CDHR2: variants seen among roughly 807,000 people sequenced by gnomAD.
CDHR2 encodes the protein cadherin related family member 2.
Under a neutral mutation model 138.6 loss-of-function variants are expected in CDHR2, and 104 were observed. The observed-to-expected ratio is 0.75, with a 90% confidence interval of 0.64 to 0.88. CDHR2 has a LOEUF of 0.88. Ranked by LOEUF, CDHR2 falls within the 40% of genes least tolerant of loss-of-function variation. CDHR2 has a pLI of 0.00. For missense variants in CDHR2, 1,624 were observed against 1,727.6 expected (o/e 0.94, Z 1.06); for synonymous variants, 755 against 742.8 (o/e 1.02, Z -0.27).
chr5:176,569,578 G>T (rs182044408), intron 5 of CDHR2, among the ~76,000 whole-genome samples: 1 of 152,206 alleles, frequency 6.6e-6, no homozygotes, highest in Non-Finnish European at 1.5e-5. Flanking sequence ...CACCACGCCC[G>T]GCCTAAATGT....
At chr5:176,557,272 C>T (rs954373191) in intron 1 of CDHR2, among the ~76,000 whole-genome samples, 3 of 152,140 alleles carry the variant, frequency 2.0e-5, no homozygotes, top group African/African-American at 7.2e-5. Context: ...GTGGTGTGCT[C>T]ATGGCTCCCT....
chr5:176,547,199 G>A (rs1757602870), upstream of CDHR2, among the ~76,000 whole-genome samples: 1 of 152,032 alleles, frequency 6.6e-6, no homozygotes, highest in African/African-American at 2.4e-5. Flanking sequence ...GGCTGGTCTC[G>A]AATTCTTGAC....
intron 16 of CDHR2, among the ~76,000 whole-genome samples, chr5:176,580,142 G>GCACTCACACACA (rs139670180): frequency 0.28 from 41,662 of 150,058 alleles, 5,802 homozygotes; most frequent in East Asian, 0.34. Flanking sequence ...ACTCACACAC[G>GCACTCACACACA]CACTCACACA....
intron 27 of CDHR2, 28 bp from the exon 28 acceptor site, chr5:176,590,535 T>C (rs1267409714): frequency 6.2e-7 from 1 of 1,613,976 alleles, no homozygotes. Context: ...AAGACGAGTG[T>C]GCTTCCCTCA....
In CDHR2 at chr5:176,581,536, G is replaced by T; in HGVS notation, c.2012G>T (p.Gly671Val). The T allele has an allele frequency of 6.2e-7, 1 of 1,614,086 alleles. No homozygotes were observed. Among genetic ancestry groups the T allele is most frequent in the Non-Finnish European group, 8.5e-7 (1 of 1,180,046 alleles). ...CTGACAGTGCTTGTGTCTGACTGCG[G>T]CGAGCCTGTCCTCGGCACCAAAGTC... ...IVLTVLVSDC[G>V]EPVLGTKVNV... Residue 671 changes from glycine (G) to valine (V), a missense_variant, in exon 17 of 32, where the codon GGC becomes GTC. Gly to Val is a moderately radical substitution (Grantham distance 109). Around this residue, in one of 3 missense-constraint regions of CDHR2, gnomAD observed 1,061 missense variants for 1,136.6 expected, o/e 0.93. Coordinates refer to ENST00000261944, the MANE Select transcript of CDHR2 (RefSeq NM_017675.6).
intron 30 of CDHR2, among the ~76,000 whole-genome samples, chr5:176,592,520 G>T (rs1441074260): frequency 6.6e-6 from 1 of 151,280 alleles, no homozygotes; most frequent in African/African-American, 2.4e-5. Context: ...TGATGATAGT[G>T]GTGGTGGTGG....
rs554807031 is a variant in CDHR2 at position 176,573,326 on chromosome 5, C to T, written c.406-757C>T. 5.7e-4 allele frequency among the ~76,000 whole-genome samples: 86 copies of T among 152,106 alleles called. 1 individual carries two copies. Among genetic ancestry groups the T allele is most frequent in the African/African-American group, 2.0e-3 (81 of 41,492 alleles). ...GGTCTGATTCATGATTTTCAAAGATCTCTGTGGCCACCATTAGGAAGTATA... is the reference window on the plus strand; with the variant it reads ...GGTCTGATTCATGATTTTCAAAGATTTCTGTGGCCACCATTAGGAAGTATA... On this transcript the variant is annotated intron_variant, in intron 6 of 31. Coordinates refer to ENST00000261944, the MANE Select transcript of CDHR2 (RefSeq NM_017675.6).
At chr5:176,586,109 C>T in intron 20 of CDHR2, 84 bp downstream of exon 20, 1 of 1,064,976 alleles carries the variant, frequency 9.4e-7, no homozygotes, top group South Asian at 1.3e-5. Flanking sequence ...CCTTGGACCC[C>T]AGGGGGAGCC....
At chr5:176,569,432 A>T (rs10072947) in intron 5 of CDHR2, among the ~76,000 whole-genome samples, 3 of 151,284 alleles carry the variant, frequency 2.0e-5, no homozygotes, top group African/African-American at 4.9e-5. Context: ...TACAGGCGCC[A>T]GCCACCACGC....
intron 7 of CDHR2, among the ~76,000 whole-genome samples, 158 bp downstream of exon 7, chr5:176,574,330 G>A (rs1401118396): frequency 2.6e-5 from 4 of 152,138 alleles, no homozygotes; most frequent in Admixed American, 6.5e-5. Flanking sequence ...CCCCCTCCCC[G>A]GAAACCTCGC....
At chr5:176,580,765 T>C (rs761040173) in intron 16 of CDHR2, among the ~76,000 whole-genome samples, 2 of 151,906 alleles carry the variant, frequency 1.3e-5, no homozygotes, top group Non-Finnish European at 2.9e-5. Context: ...TAATCCCAGC[T>C]ACTTAGGAGG....
rs1366287262 is a variant in CDHR2, at chr5:176,590,580, G to A, written c.3432G>A (p.Gln1144=). Residue 1144 remains glutamine, a synonymous_variant, in exon 28 of 32, where the codon CAG becomes CAA. Transcript: ENST00000261944. ...GLVVLGSQES[Q]ESDLSKQLIS... Reference sequence around the variant, plus strand: ...TTCTCCAGGGCTCCCAGGAGAGCCAGGAGTCAGACCTGTCGAAACAGCTCA... The same window carrying A: ...TTCTCCAGGGCTCCCAGGAGAGCCAAGAGTCAGACCTGTCGAAACAGCTCA... 1 of 1,614,074 alleles carries A rather than the reference G, an allele frequency of 6.2e-7. No individual in the cohort carries two copies. The highest frequency in any genetic ancestry group is 2.2e-5 in the East Asian group (1 of 44,886).
At position 176,543,893 on chromosome 5, in the gene CDHR2, TTCCCCGCAACCCCTGTG is replaced by T. The variant is rs1757520106; in HGVS notation, c.-16+1130_-16+1146del. ...GGCCGAGACATCGGGAGGGATTACG[TTCCCCGCAACCCCTGTG>T]TCCCCATCGCTAGAGCCAACCTGGA... is the stretch of plus-strand genomic sequence containing the variant. On this transcript the variant is annotated intron_variant, in intron 1 of 31. Coordinates refer to the CDHR2 transcript ENST00000510636. This position sits in a 1 kb window ranked among gnomAD's most constrained non-coding sequence, Gnocchi z 4.0. Among the ~76,000 whole-genome samples, 1 of 152,026 alleles carries T rather than the reference TTCCCCGCAACCCCTGTG, an allele frequency of 6.6e-6. No homozygotes were observed. The highest frequency in any genetic ancestry group is 6.5e-5 in the Admixed American group (1 of 15,282).
intron 1 of CDHR2, among the ~76,000 whole-genome samples, chr5:176,555,524 C>T (rs2113258013): frequency 6.6e-6 from 1 of 152,346 alleles, no homozygotes; most frequent in South Asian, 2.1e-4. Context: ...CCCCTCCAGC[C>T]CTGCTGCCCC....
rs1382851209 is a variant in CDHR2 at position 176,581,207 on chromosome 5, G to C, written c.1819-136G>C. On this transcript the variant is annotated intron_variant, in intron 16 of 31. Coordinates refer to ENST00000261944, the MANE Select transcript of CDHR2 (RefSeq NM_017675.6). ...CCTCTTAGATGGGAAACTGGGGCTG[G>C]GAGATGGGCCCAGGGGCTCCAGGCC... The C allele has an allele frequency of 5.2e-6, 6 of 1,151,422 alleles. No individual in the cohort carries two copies. In the African/African-American group the frequency reaches 9.3e-5, roughly 18 times the overall value. 71.3% of individuals were successfully genotyped at this position (1,151,422 alleles called of 1,614,324 possible).
At position 176,576,722 on chromosome 5, in the gene CDHR2, G is replaced by T. The variant is rs183637903; in HGVS notation, c.1194+537G>T. On this transcript the variant is annotated intron_variant, in intron 12 of 31. Transcript: ENST00000261944. This position sits in a 1 kb window ranked among gnomAD's most constrained non-coding sequence, Gnocchi z 4.5. ...CTCCCAAGTAGCTGTGATTACAGGT[G>T]TGCACCACCTCGCCCAGCTAATTTT... Among the ~76,000 whole-genome samples, 741 of 152,180 alleles carry T rather than the reference G, an allele frequency of 4.9e-3. 5 individuals are homozygous for T. The highest frequency in any genetic ancestry group is 0.02 in the Middle Eastern group (6 of 294).
intron 21 of CDHR2, 72 bp from the exon 22 acceptor site, chr5:176,588,959 T>G (rs530821814): frequency 4.9e-5 from 76 of 1,545,616 alleles, no homozygotes; most frequent in Non-Finnish European, 6.5e-5. Context: ...CACCCTTGCC[T>G]CTGATCCCTG....
chr5:176,550,995 C>G (rs993815393), intron 1 of CDHR2, among the ~76,000 whole-genome samples: 2 of 152,138 alleles, frequency 1.3e-5, no homozygotes, highest in Non-Finnish European at 2.9e-5. Flanking sequence ...TTCTCTGTGT[C>G]CTTTTTGGTC....
At chr5:176,567,457 A>T (rs1339461145) in intron 3 of CDHR2, among the ~76,000 whole-genome samples, 1 of 151,978 alleles carries the variant, frequency 6.6e-6, no homozygotes, top group Non-Finnish European at 1.5e-5. Flanking sequence ...GGCATGAGCC[A>T]CTGTGCACCA....
Sources: allele counts gnomAD v4.1 joint callset (sites outside exome capture counted in the v4.1 genomes callset), GRCh38; gene constraint gnomAD v4.1.1; regional missense constraint gnomAD v4.1.1; non-coding constraint Gnocchi (gnomAD v3.1); transcripts MANE v1.5; gene names NCBI Gene and HGNC (gene_info 2026-07-23, HGNC 2026-07-21).